KCNC4: variants seen among roughly 807,000 people sequenced by gnomAD.
The protein encoded by KCNC4 is potassium voltage-gated channel subfamily C member 4, also known as voltage-gated potassium channel KCNC4.
A neutral mutation model predicts 42.8 loss-of-function variants in KCNC4; 23 were observed. That is an observed-to-expected ratio of 0.54 (90% confidence interval 0.39 to 0.76). KCNC4 has a LOEUF of 0.76. Ranked by LOEUF, KCNC4 falls within the 30% of genes least tolerant of loss-of-function variation. The pLI, the probability that KCNC4 is intolerant of heterozygous loss-of-function variation, is 0.00. For synonymous variants in KCNC4, 422 were observed against 393.5 expected, an observed-to-expected ratio of 1.07 and a Z score of -0.86; for missense variants, 751 against 898.2, an observed-to-expected ratio of 0.84 and a Z score of 2.10.
chr1:110,281,738 G>C (rs1347584956), intron 1 of KCNC4, among the ~76,000 whole-genome samples: 1 of 152,170 alleles, frequency 6.6e-6, no homozygotes, highest in African/African-American at 2.4e-5. Flanking sequence ...GGCCCAGCCT[G>C]CAGAGGTCCA....
intron 1 of KCNC4, among the ~76,000 whole-genome samples, chr1:110,274,548 T>G (rs967522834): frequency 1.3e-5 from 2 of 152,120 alleles, no homozygotes; most frequent in Admixed American, 6.5e-5. Flanking sequence ...AGAGCCCAAA[T>G]AGCCAAAGCA....
chr1:110,275,936 T>G (rs1202048924), intron 1 of KCNC4, among the ~76,000 whole-genome samples: 1 of 104,796 alleles, frequency 9.5e-6, no homozygotes, highest in African/African-American at 3.8e-5. Flanking sequence ...CCAGCCTGGG[T>G]GAAAAGAGAC....
chr1:110,250,081 C>A (rs1557870447), downstream of KCNC4, among the ~76,000 whole-genome samples: 1 of 152,230 alleles, frequency 6.6e-6, no homozygotes, highest in Non-Finnish European at 1.5e-5. Context: ...AGGAATGGGT[C>A]ATCACTCCTT....
At chr1:110,215,480 C>T (rs185499220) in intron 1 of KCNC4, among the ~76,000 whole-genome samples, 44 of 152,348 alleles carry the variant, frequency 2.9e-4, no homozygotes, top group African/African-American at 1.0e-3. Context: ...GGCCAGGATG[C>T]CCTTCCCCTA....
chr1:110,244,586 CT>C (rs1337269572), exon 4 of KCNC4: 1 of 152,268 alleles, frequency 6.6e-6, no homozygotes, highest in Non-Finnish European at 1.5e-5. Context: ...TTCCCCTCCT[CT>C]CCCCACAACC....
intron 1 of KCNC4, among the ~76,000 whole-genome samples, chr1:110,264,506 T>C (rs6537655): frequency 0.6 from 90,669 of 152,038 alleles, 27,597 homozygotes; most frequent in African/African-American, 0.71. Flanking sequence ...CTGAGGTCGA[T>C]ATGCCAGCAG....
chr1:110,249,982 C>T (rs574012065), downstream of KCNC4, among the ~76,000 whole-genome samples: 13 of 152,286 alleles, frequency 8.5e-5, no homozygotes, highest in East Asian at 2.3e-3. Flanking sequence ...TGGAATCATA[C>T]GTTTTCAAGT....
exon 4 of KCNC4, chr1:110,240,972 C>T (rs956746804): frequency 6.6e-6 from 1 of 152,290 alleles, no homozygotes; most frequent in Non-Finnish European, 1.5e-5. Flanking sequence ...ACACTGCCCC[C>T]CTGGAAAATT....
intron 1 of KCNC4, among the ~76,000 whole-genome samples, chr1:110,262,061 A>G (rs987947240): frequency 6.6e-6 from 1 of 152,242 alleles, no homozygotes; most frequent in African/African-American, 2.4e-5. Context: ...TCATACCTGT[A>G]CACTTAAAAA....
intron 1 of KCNC4, among the ~76,000 whole-genome samples, chr1:110,218,531 A>C (rs941243872): frequency 1.3e-5 from 2 of 152,098 alleles, no homozygotes; most frequent in Non-Finnish European, 2.9e-5. Flanking sequence ...ACCACCTGAC[A>C]TACTGTGTAT....
At chr1:110,255,623 C>A (rs910437938) in intron 1 of KCNC4, among the ~76,000 whole-genome samples, 1 of 152,142 alleles carries the variant, frequency 6.6e-6, no homozygotes, top group African/African-American at 2.4e-5. Context: ...AGTTTCCATT[C>A]AGTGTCTCAA....
intron 1 of KCNC4, among the ~76,000 whole-genome samples, chr1:110,271,855 G>A: frequency 6.6e-6 from 1 of 152,136 alleles, no homozygotes; most frequent in East Asian, 1.9e-4. Context: ...ACTCTGAAAA[G>A]CATCTGAAAG....
Position 110,211,209 on chromosome 1 carries a change from G to A in KCNC4, c.-291G>A, listed in dbSNP as rs1657424055. ...GAGCGTTTGTGTGTCCCGTCGTAGCGGGGGACCGCGTGTGTGCTTGCTTCT... is the reference window on the plus strand; with the variant it reads ...GAGCGTTTGTGTGTCCCGTCGTAGCAGGGGACCGCGTGTGTGCTTGCTTCT... On this transcript the variant is annotated 5_prime_UTR_variant, in exon 1 of 4. Coordinates refer to ENST00000438661, the MANE Select transcript of KCNC4 (RefSeq NM_001039574.3). This position sits in a 1 kb window ranked among gnomAD's most constrained non-coding sequence, Gnocchi z 6.5. 2.3e-6 allele frequency: 1 copy of A among 432,758 alleles called. No homozygotes were observed. The highest frequency in any genetic ancestry group is 4.2e-5 in the East Asian group (1 of 23,706). 26.8% of individuals were successfully genotyped at this position (432,758 alleles called of 1,614,324 possible). A position where few individuals can be genotyped will look rare whatever the true frequency, so the allele number is the denominator to read the frequency against.
chr1:110,235,524 C>T (rs1236118654), downstream of KCNC4: 1 of 152,202 alleles, frequency 6.6e-6, no homozygotes, highest in Non-Finnish European at 1.5e-5. Context: ...CAGCCAGCAG[C>T]AGGGGTACTA....
chr1:110,270,571 G>C (rs1309788714), intron 1 of KCNC4, among the ~76,000 whole-genome samples: 1 of 152,218 alleles, frequency 6.6e-6, no homozygotes, highest in African/African-American at 2.4e-5. Context: ...AGGGAGATAA[G>C]CTGCTGACTG....
In KCNC4 at chr1:110,241,489, C is replaced by T. The variant is rs535687645; in HGVS notation, c.*9180C>T. ...CTCCAAGCAGGATAGATAATTTTTTCGATTAGGAGAGGAAGAAATCCAAAA... is the reference window on the plus strand; with the variant it reads ...CTCCAAGCAGGATAGATAATTTTTTTGATTAGGAGAGGAAGAAATCCAAAA... On this transcript the variant is annotated 3_prime_UTR_variant, in exon 4 of 4. Coordinates refer to the KCNC4 transcript ENST00000369787. 7 of 152,154 alleles carry T rather than the reference C, an allele frequency of 4.6e-5. No homozygotes were observed. In the East Asian group the frequency reaches 9.7e-4, roughly 21 times the overall value. The allele number at this position is 152,154 out of a possible 1,614,324, so 9.4% of individuals were successfully genotyped here.
downstream of KCNC4, among the ~76,000 whole-genome samples, chr1:110,250,342 C>T (rs75563578): frequency 3.7e-3 from 569 of 152,302 alleles, 5 homozygotes; most frequent in African/African-American, 0.013. Flanking sequence ...CTGCCTTCTA[C>T]ACTCACTCCC....
At chr1:110,245,336 G>A (rs941978918) in exon 4 of KCNC4, 3 of 152,208 alleles carry the variant, frequency 2.0e-5, no homozygotes, top group South Asian at 2.1e-4. Context: ...ACATGGGGCC[G>A]AGAGCTGGCA....
At chr1:110,236,479 A>G (rs2101049348), downstream of KCNC4, 1 of 152,328 alleles carries the variant, frequency 6.6e-6, no homozygotes, top group Non-Finnish European at 1.5e-5. Context: ...CTCATAGCAA[A>G]GGTATTGTTT....
Sources: allele counts gnomAD v4.1 joint callset (sites outside exome capture counted in the v4.1 genomes callset), GRCh38; gene constraint gnomAD v4.1.1; non-coding constraint Gnocchi (gnomAD v3.1); transcripts MANE v1.5; gene names NCBI Gene and HGNC (gene_info 2026-07-23, HGNC 2026-07-21).